The following GLB1 variants were observed in gnomAD, a reference collection of about 807,000 sequenced individuals.
GLB1 encodes galactosidase beta 1, also known as beta-galactosidase.
GLB1 carries 56 observed loss-of-function variants against 74.0 expected under a neutral mutation model. The ratio of observed to expected loss-of-function variants is 0.76; its 90% CI spans 0.61 to 0.94. The LOEUF (loss-of-function observed/expected upper bound fraction) is 0.94. GLB1 is among the 40% of genes least tolerant of loss of function. The pLI is 0.00. For synonymous variants in GLB1, 323 were observed against 323.6 expected (o/e 1.00, Z 0.02); for missense variants, 787 against 845.5 (o/e 0.93, Z 0.86).
At chr3:33,008,705 C>T (rs1696884274) in intron 15 of GLB1, among the ~76,000 whole-genome samples, 1 of 152,090 alleles carries the variant, frequency 6.6e-6, no homozygotes, top group African/African-American at 2.4e-5. Context: ...TAGCTGTGCT[C>T]AGTGACTGGT....
At chr3:33,054,066 C>G (rs898424523) in intron 6 of GLB1, among the ~76,000 whole-genome samples, 2 of 151,814 alleles carry the variant, frequency 1.3e-5, no homozygotes, top group African/African-American at 4.8e-5. Flanking sequence ...TAAAAAGAGG[C>G]TCAACGGAGC....
intron 4 of GLB1, among the ~76,000 whole-genome samples, chr3:33,067,428 T>G (rs1194462600): frequency 6.7e-6 from 1 of 149,402 alleles, no homozygotes; most frequent in Non-Finnish European, 1.5e-5. Context: ...CCTCCCGGAC[T>G]ACAGGCATGT....
intron 10 of GLB1, among the ~76,000 whole-genome samples, chr3:33,040,244 T>C (rs1410581000): frequency 2.6e-5 from 4 of 152,126 alleles, no homozygotes; most frequent in Non-Finnish European, 1.5e-5. Flanking sequence ...GCTTCTGTAG[T>C]ACAAAAAAAA....
chr3:32,970,482 T>C, the GLB1 span, among the ~76,000 whole-genome samples: 1 of 152,134 alleles, frequency 6.6e-6, no homozygotes, highest in African/African-American at 2.4e-5. Flanking sequence ...AAAAGATGCA[T>C]GGCTAGGTAT....
At chr3:33,051,689 C>G (rs901763718) in intron 9 of GLB1, 69 bp downstream of exon 9, 38 of 1,608,230 alleles carry the variant, frequency 2.4e-5, no homozygotes, top group Non-Finnish European at 3.1e-5. Context: ...TCTGTGGGCA[C>G]ACCCCTCCTC....
chr3:32,986,861 G>C, the GLB1 span, among the ~76,000 whole-genome samples: 1 of 152,112 alleles, frequency 6.6e-6, no homozygotes, highest in Non-Finnish European at 1.5e-5. Flanking sequence ...AAACTGCTGG[G>C]ATTACAGCCA....
rs769947394 is a variant in GLB1 at position 33,093,639 on chromosome 3, T to C, written c.75+3372A>G. 9 of 1,614,030 alleles carry C rather than the reference T, an allele frequency of 5.6e-6. No homozygotes were observed. Among genetic ancestry groups the C allele is most frequent in the Admixed American group, 1.7e-5 (1 of 59,998 alleles). The stretch of plus-strand genomic sequence containing the variant: ...CTCCACAGTTTTCACAGCCGGGGGC[T>C]GCGCGGCATTCAGAATCCCGGCCAC... On this transcript the variant is annotated intron_variant, in intron 1 of 15. Transcript: ENST00000307363. This position sits in a 1 kb window ranked among gnomAD's most constrained non-coding sequence, Gnocchi z 6.0.
chr3:33,031,751 A>G (rs1698052193), intron 10 of GLB1, among the ~76,000 whole-genome samples: 1 of 146,952 alleles, frequency 6.8e-6, no homozygotes, highest in Non-Finnish European at 1.5e-5. Flanking sequence ...ATGACATGTT[A>G]AGCTGCAATC....
rs374762872 is a variant in GLB1, at chr3:33,092,876, G to A, written c.75+4135C>T. The A allele has an allele frequency of 2.5e-6, 4 of 1,612,892 alleles. No individual in the cohort carries two copies. The African/African-American group carries it at 4.0e-5, about 16-fold the overall frequency. On this transcript the variant is annotated intron_variant, in intron 1 of 15. Coordinates refer to ENST00000307363, the MANE Select transcript of GLB1 (RefSeq NM_000404.4). ...GGATGAGCTCTGTGATCTCGGCCCT[G>A]CTACCCAGCCTCATGGGTATCCCGT...
chr3:33,070,462 C>A (rs568342643), intron 2 of GLB1, among the ~76,000 whole-genome samples: 1 of 152,158 alleles, frequency 6.6e-6, no homozygotes, highest in African/African-American at 2.4e-5. Context: ...AGCAGCTCCC[C>A]AAGCTAGTCA....
chr3:33,050,563 C>T (rs540522439), intron 9 of GLB1, among the ~76,000 whole-genome samples: 6 of 152,170 alleles, frequency 3.9e-5, no homozygotes, highest in East Asian at 1.9e-4. Context: ...TTCACTTATA[C>T]GAAATGTTCA....
chr3:33,080,252 G>A (rs1343805057), intron 1 of GLB1, among the ~76,000 whole-genome samples: 3 of 152,110 alleles, frequency 2.0e-5, no homozygotes, highest in African/African-American at 7.2e-5. Flanking sequence ...GCTAATTTTT[G>A]TATTTTTAGT....
intron 12 of GLB1, chr3:33,021,167 AC>A (rs1697458764): frequency 4.5e-6 from 1 of 223,610 alleles, no homozygotes; most frequent in Non-Finnish European, 9.0e-6. Flanking sequence ...AACCTAGTCT[AC>A]CAAAAAACAC....
chr3:33,035,288 C>T (rs1335335767), intron 10 of GLB1, among the ~76,000 whole-genome samples: 2 of 151,990 alleles, frequency 1.3e-5, no homozygotes, highest in Non-Finnish European at 2.9e-5. Flanking sequence ...AAAAATTAGA[C>T]AGGTGTGGTG....
At chr3:33,007,328 TAAG>T (rs2125454626) in intron 15 of GLB1, among the ~76,000 whole-genome samples, 1 of 152,344 alleles carries the variant, frequency 6.6e-6, no homozygotes, top group East Asian at 1.9e-4. Context: ...GTCACTCCGT[TAAG>T]AAGCCCTGTA....
chr3:33,049,986 T>C (rs1478451765), intron 9 of GLB1, among the ~76,000 whole-genome samples: 1 of 152,168 alleles, frequency 6.6e-6, no homozygotes, highest in African/African-American at 2.4e-5. Flanking sequence ...CAATTTCAGA[T>C]CCTGAGAGAT....
intron 12 of GLB1, among the ~76,000 whole-genome samples, chr3:33,019,877 G>GT (rs1397906622): frequency 1.3e-5 from 2 of 152,110 alleles, no homozygotes; most frequent in Admixed American, 6.5e-5. Context: ...GCCCTTTGGG[G>GT]TTTTTTGCTG....
chr3:33,088,486 T>C (rs950299549), intron 1 of GLB1, among the ~76,000 whole-genome samples: 2 of 151,940 alleles, frequency 1.3e-5, no homozygotes, highest in African/African-American at 4.8e-5. Context: ...CAGTTGCTTC[T>C]CTATACACTA....
intron 12 of GLB1, among the ~76,000 whole-genome samples, chr3:33,019,981 A>G (rs1314690223): frequency 6.6e-6 from 1 of 152,208 alleles, no homozygotes; most frequent in Non-Finnish European, 1.5e-5. Flanking sequence ...GCCAAAGATC[A>G]GAAAGCAGAA....
Sources: allele counts gnomAD v4.1 joint callset (sites outside exome capture counted in the v4.1 genomes callset), GRCh38; gene constraint gnomAD v4.1.1; non-coding constraint Gnocchi (gnomAD v3.1); transcripts MANE v1.5; gene names NCBI Gene and HGNC (gene_info 2026-07-23, HGNC 2026-07-21).